The following CADM2 variants were observed in gnomAD, a reference collection of about 807,000 sequenced individuals.
CADM2 encodes the protein cell adhesion molecule 2, also known as immunoglobulin superfamily member 4D.
CADM2 carries 12 observed loss-of-function variants against 49.8 expected under a neutral mutation model. That is an observed-to-expected ratio of 0.24 (90% confidence interval 0.15 to 0.39). The LOEUF (loss-of-function observed/expected upper bound fraction) is 0.39, where lower values mean the gene tolerates loss of function less well. CADM2 is among the 10% of genes least tolerant of loss of function. The pLI, the probability that CADM2 is intolerant of heterozygous loss-of-function variation, is 1.00. For synonymous variants in CADM2, 214 were observed against 175.4 expected, an observed-to-expected ratio of 1.22 and a Z score of -1.74; for missense variants, 378 against 492.3, an observed-to-expected ratio of 0.77 and a Z score of 2.20.
intron 1 of CADM2, among the ~76,000 whole-genome samples, chr3:85,316,334 G>C (rs1199659071): frequency 2.0e-5 from 3 of 152,140 alleles, no homozygotes; most frequent in African/African-American, 7.2e-5. Flanking sequence ...TATAAGTTGA[G>C]TTGTGATTAA....
chr3:85,358,690 T>C (rs923850428), intron 1 of CADM2, among the ~76,000 whole-genome samples: 1 of 152,180 alleles, frequency 6.6e-6, no homozygotes, highest in Non-Finnish European at 1.5e-5. Context: ...CAAGTACTAA[T>C]CTTAGAAGAA....
chr3:85,292,966 A>G (rs1203446417), intron 1 of CADM2, among the ~76,000 whole-genome samples: 1 of 152,162 alleles, frequency 6.6e-6, no homozygotes, highest in Middle Eastern at 3.2e-3. Context: ...AAATAGAGAC[A>G]CAAAAAGCCC....
chr3:85,107,934 TC>T (rs1696224080), intron 1 of CADM2, among the ~76,000 whole-genome samples: 2 of 151,994 alleles, frequency 1.3e-5, no homozygotes, highest in African/African-American at 4.8e-5. Flanking sequence ...ACTCCTGACT[TC>T]AGGTGATCCA....
At chr3:86,039,406 G>A (rs949571963) in intron 8 of CADM2, among the ~76,000 whole-genome samples, 4 of 152,160 alleles carry the variant, frequency 2.6e-5, no homozygotes, top group Admixed American at 6.5e-5. Context: ...TTTTCCAATG[G>A]TCTTAGCGAA....
chr3:85,102,767 A>G (rs888117197), intron 1 of CADM2, among the ~76,000 whole-genome samples: 5 of 152,134 alleles, frequency 3.3e-5, no homozygotes, highest in African/African-American at 4.8e-5. Flanking sequence ...ATAGAATAAG[A>G]TAAACTATCG....
intron 1 of CADM2, among the ~76,000 whole-genome samples, chr3:85,054,262 G>C (rs1300459395): frequency 6.6e-6 from 1 of 151,686 alleles, no homozygotes; most frequent in Non-Finnish European, 1.5e-5. Flanking sequence ...AGGTGTGAGC[G>C]ATGGGAATTA....
chr3:85,389,583 C>G (rs28735964), intron 1 of CADM2, among the ~76,000 whole-genome samples: 2,111 of 152,210 alleles, frequency 0.014, 48 homozygotes, highest in African/African-American at 0.048. Context: ...CCCAATCTCT[C>G]TGATCAAAAG....
At chr3:85,766,543 A>G (rs905833451) in intron 2 of CADM2, among the ~76,000 whole-genome samples, 9 of 152,240 alleles carry the variant, frequency 5.9e-5, no homozygotes, top group African/African-American at 2.2e-4. Context: ...TGAGTGGCAC[A>G]TGCCTTGCAC....
intron 1 of CADM2, among the ~76,000 whole-genome samples, chr3:84,985,572 A>G (rs1165290755): frequency 6.6e-6 from 1 of 152,168 alleles, no homozygotes; most frequent in Non-Finnish European, 1.5e-5. Context: ...TGAAGAGAGA[A>G]CAAGAAACGT....
intron 1 of CADM2, among the ~76,000 whole-genome samples, chr3:85,108,046 A>G (rs947572624): frequency 1.3e-5 from 2 of 152,116 alleles, no homozygotes; most frequent in African/African-American, 4.8e-5. Context: ...CAATTACCAT[A>G]TGATCCAGCA....
At chr3:85,077,667 T>C (rs1409174143) in intron 1 of CADM2, among the ~76,000 whole-genome samples, 1 of 152,096 alleles carries the variant, frequency 6.6e-6, no homozygotes, top group East Asian at 1.9e-4. Flanking sequence ...AAACTGCATG[T>C]TTTTACATTA....
chr3:85,788,441 A>G (rs1178558142), intron 2 of CADM2, among the ~76,000 whole-genome samples: 3 of 152,070 alleles, frequency 2.0e-5, no homozygotes, highest in Admixed American at 1.3e-4. Context: ...TAGCTATTTT[A>G]CATAAATAAC....
At chr3:85,565,866 G>A (rs747019091) in intron 1 of CADM2, among the ~76,000 whole-genome samples, 27 of 138,130 alleles carry the variant, frequency 2.0e-4, no homozygotes, top group Non-Finnish European at 3.2e-4. Context: ...CCCTTCCATC[G>A]TTTTCTTTTA....
intron 7 of CADM2, among the ~76,000 whole-genome samples, chr3:85,951,570 C>T (rs954665930): frequency 2.0e-5 from 3 of 150,708 alleles, no homozygotes; most frequent in Admixed American, 6.6e-5. Flanking sequence ...AGCTCTGGGA[C>T]GGAGAAATGT....
At chr3:85,895,889 T>C (rs1715152021) in intron 5 of CADM2, among the ~76,000 whole-genome samples, 1 of 152,184 alleles carries the variant, frequency 6.6e-6, no homozygotes, top group Non-Finnish European at 1.5e-5. Flanking sequence ...TCCCCAGCCA[T>C]ATGGAACTGT....
chr3:85,771,265 C>A (rs114870885), intron 2 of CADM2, among the ~76,000 whole-genome samples: 87 of 152,182 alleles, frequency 5.7e-4, no homozygotes, highest in African/African-American at 2.0e-3. Flanking sequence ...TTCTTAAACC[C>A]ATTGGTCAAT....
At chr3:85,632,937 G>A (rs12493563) in intron 1 of CADM2, among the ~76,000 whole-genome samples, 5 of 151,736 alleles carry the variant, frequency 3.3e-5, no homozygotes, top group South Asian at 2.1e-4. Context: ...ATCTAAAATC[G>A]AAAATAAAAT....
At chr3:84,967,767 A>G (rs1469816214) in intron 1 of CADM2, among the ~76,000 whole-genome samples, 2 of 151,908 alleles carry the variant, frequency 1.3e-5, no homozygotes, top group Non-Finnish European at 2.9e-5. Context: ...TTTCCTTTCA[A>G]CCCCCAAGGA....
chr3:85,569,144 C>G (rs1026956827), intron 1 of CADM2, among the ~76,000 whole-genome samples: 2 of 152,176 alleles, frequency 1.3e-5, no homozygotes, highest in Admixed American at 6.5e-5. Context: ...CTCCCCTCCA[C>G]ACCCAATCCT....
Sources: allele counts gnomAD v4.1 joint callset (sites outside exome capture counted in the v4.1 genomes callset), GRCh38; gene constraint gnomAD v4.1.1; transcripts MANE v1.5; gene names NCBI Gene and HGNC (gene_info 2026-07-23, HGNC 2026-07-21).